The following SIN3A variants were observed in gnomAD, a reference collection of about 807,000 sequenced individuals.
SIN3A encodes the protein paired amphipathic helix protein Sin3a.
SIN3A carries 14 observed loss-of-function variants against 146.1 expected under a neutral mutation model. That is an observed-to-expected ratio of 0.10 (90% confidence interval 0.06 to 0.15). SIN3A has a LOEUF of 0.15. SIN3A is among the 10% of genes least tolerant of loss of function. SIN3A has a pLI of 1.00. For missense variants in SIN3A, 1,028 were observed against 1,576.0 expected (o/e 0.65, Z 5.89); for synonymous variants, 572 against 572.0 (o/e 1.00, Z 0.00).
At position 75,411,488 on chromosome 15, in the gene SIN3A, T is replaced by C; in HGVS notation, c.1008+4A>G. 2 of 1,612,472 alleles carry C rather than the reference T, an allele frequency of 1.2e-6. No homozygotes were observed. Among genetic ancestry groups the C allele is most frequent in the Non-Finnish European group, 1.7e-6 (2 of 1,178,996 alleles). On this transcript the variant is annotated splice_donor_region_variant and intron_variant, in intron 6 of 20. Coordinates refer to ENST00000394947, the MANE Select transcript of SIN3A (RefSeq NM_001145358.2). The stretch of plus-strand genomic sequence containing the variant: ...TTAAGACAGGCTGAATGGGCACTCC[T>C]TACCTGATATGTGTGCAAAATCTCC...
intron 3 of SIN3A, chr15:75,421,487 T>C (rs934675950): frequency 4.6e-5 from 7 of 152,188 alleles, no homozygotes; most frequent in Non-Finnish European, 8.8e-5. Context: ...CTTTATAATA[T>C]TTATGTAGCA....
At chr15:75,380,869 T>C in intron 18 of SIN3A, 146 bp from the exon 19 acceptor site, 1 of 621,790 alleles carries the variant, frequency 1.6e-6, no homozygotes, top group South Asian at 1.8e-5. Flanking sequence ...AAAGACATGA[T>C]TGTTAGTAGG....
intron 1 of SIN3A, among the ~76,000 whole-genome samples, chr15:75,448,680 G>T (rs1457758285): frequency 6.6e-6 from 1 of 152,120 alleles, no homozygotes; most frequent in Non-Finnish European, 1.5e-5. Flanking sequence ...GCCCAGAAAA[G>T]AGAGAAAGCC....
At chr15:75,435,283 TC>T (rs1308524963) in intron 1 of SIN3A, among the ~76,000 whole-genome samples, 7 of 151,790 alleles carry the variant, frequency 4.6e-5, no homozygotes, top group African/African-American at 1.7e-4. Flanking sequence ...AATATGAAAA[TC>T]TAAATATCTA....
At chr15:75,398,175 G>GT (rs2073339338) in intron 12 of SIN3A, among the ~76,000 whole-genome samples, 2 of 152,174 alleles carry the variant, frequency 1.3e-5, no homozygotes, top group South Asian at 4.1e-4. Flanking sequence ...TCAATTTAAT[G>GT]TAACAGATAC....
In SIN3A at chr15:75,410,165, C is replaced by T; in HGVS notation, c.1130G>A (p.Gly377Glu). ...KNQEDLLSEFGQFLPDANSSV... is the reference protein window; with the variant it reads ...KNQEDLLSEFEQFLPDANSSV... ...GCTGTTGGCATCTGGTAGGAATTGT[C>T]CAAACTCTGACAACAAATCTTCCTG... Residue 377 changes from glycine (G) to glutamate (E), a missense_variant, in exon 7 of 21, where the codon GGA (glycine) becomes GAA (glutamate). Coordinates refer to ENST00000394947, the MANE Select transcript of SIN3A (RefSeq NM_001145358.2). 6.2e-7 allele frequency: 1 copy of T among 1,614,086 alleles called. No homozygotes were observed.
At chr15:75,374,104 CA>C (rs1159148138) in intron 20 of SIN3A, among the ~76,000 whole-genome samples, 1 of 152,124 alleles carries the variant, frequency 6.6e-6, no homozygotes, top group African/African-American at 2.4e-5. Context: ...CAAAACAAAC[CA>C]AAAAACCCCA....
chr15:75,435,359 T>C (rs2074088570), intron 1 of SIN3A, among the ~76,000 whole-genome samples: 1 of 152,184 alleles, frequency 6.6e-6, no homozygotes. Context: ...AGATCAGGGT[T>C]TATCCACAAG....
intron 9 of SIN3A, among the ~76,000 whole-genome samples, chr15:75,402,489 G>C (rs1216175783): frequency 6.6e-6 from 1 of 151,944 alleles, no homozygotes; most frequent in African/African-American, 2.4e-5. Flanking sequence ...CTGTACTCCA[G>C]CCTGGGTGAC....
At chr15:75,405,866 T>C (rs1414691937) in intron 9 of SIN3A, among the ~76,000 whole-genome samples, 1 of 152,214 alleles carries the variant, frequency 6.6e-6, no homozygotes. Flanking sequence ...TTCCCTTCCA[T>C]ACCCTTTTCT....
chr15:75,435,903 T>C (rs745594116), intron 1 of SIN3A, among the ~76,000 whole-genome samples: 1 of 151,294 alleles, frequency 6.6e-6, no homozygotes, highest in African/African-American at 2.4e-5. Context: ...GGCTCAAGGA[T>C]GGCTTGAGCC....
rs117909572 is a variant in SIN3A at position 75,428,709 on chromosome 15, C to G, written c.189+1478G>C. On this transcript the variant is annotated intron_variant, in intron 2 of 20. Transcript: ENST00000394947. ...GACGGGGCTTGCTATGTTGCCCAGG[C>G]TGATCTCAAACTCCTGGGCTCAGGC... Among the ~76,000 whole-genome samples, 880 of 152,174 alleles carry G rather than the reference C, an allele frequency of 5.8e-3. 40 individuals carry two copies. The East Asian group carries it at 0.12, about 20-fold the overall frequency.
At chr15:75,445,640 GGC>G (rs1171915791) in intron 1 of SIN3A, among the ~76,000 whole-genome samples, 1 of 151,644 alleles carries the variant, frequency 6.6e-6, no homozygotes, top group African/African-American at 2.4e-5. Flanking sequence ...CTGCTCGGGA[GGC>G]TGAGGCAGGA....
At chr15:75,422,306 G>A in intron 3 of SIN3A, 2 of 566,572 alleles carry the variant, frequency 3.5e-6, no homozygotes, top group Non-Finnish European at 6.3e-6. Context: ...GTACTAACCT[G>A]TAGCCAATCA....
At chr15:75,406,168 C>T (rs2073510876) in intron 9 of SIN3A, among the ~76,000 whole-genome samples, 1 of 152,188 alleles carries the variant, frequency 6.6e-6, no homozygotes, top group African/African-American at 2.4e-5. Context: ...GTGCCAGCTA[C>T]CCTGATGAAA....
chr15:75,437,482 T>C (rs2074127971), intron 1 of SIN3A, among the ~76,000 whole-genome samples: 1 of 152,150 alleles, frequency 6.6e-6, no homozygotes, highest in African/African-American at 2.4e-5. Context: ...CCTCTTTTTT[T>C]GAGGGAAACT....
Position 75,396,557 on chromosome 15 carries a change from G to A in SIN3A, c.1855-61C>T, listed in dbSNP as rs770864760. 1,743 of 1,212,686 alleles carry A rather than the reference G, an allele frequency of 1.4e-3. 2 individuals are homozygous for A. Among genetic ancestry groups the A allele is most frequent in the Non-Finnish European group, 1.9e-3 (1,611 of 842,922 alleles). The allele number at this position is 1,212,686 out of a possible 1,614,324, so 75.1% of individuals were successfully genotyped here. On this transcript the variant is annotated intron_variant, in intron 12 of 20. Coordinates refer to ENST00000394947, the MANE Select transcript of SIN3A (RefSeq NM_001145358.2). ...CCAAATCAAAATAGAATAGAGTAGT[G>A]TTTAGAAGAATAAGGTAGGGAGTCA...
At chr15:75,394,986 C>T (rs992019926) in intron 13 of SIN3A, 123 bp from the exon 14 acceptor site, 2 of 819,286 alleles carry the variant, frequency 2.4e-6, no homozygotes, top group Admixed American at 5.6e-5. Context: ...CTCAAAATTA[C>T]TGGCAACTTG....
intron 1 of SIN3A, chr15:75,446,436 A>G (rs2074308041): frequency 6.6e-6 from 1 of 150,860 alleles, no homozygotes; most frequent in African/African-American, 2.4e-5. Flanking sequence ...AAATGTAGTC[A>G]GAGAGGTACT....
Sources: gnomAD v4.1 joint callset for allele counts (sites outside exome capture counted in the v4.1 genomes callset) on GRCh38, gnomAD v4.1.1 for gene constraint, MANE v1.5 for transcripts, NCBI Gene and HGNC (gene_info 2026-07-23, HGNC 2026-07-21) for gene names.